Variants in SLC8A1 observed in about 807,000 individuals in gnomAD.
The protein encoded by SLC8A1 is sodium/calcium exchanger 1.
SLC8A1 carries 18 observed loss-of-function variants against 68.3 expected under a neutral mutation model. That is an observed-to-expected ratio of 0.26 (90% CI 0.18 to 0.39). The LOEUF (loss-of-function observed/expected upper bound fraction) is 0.39. Among genes scored for constraint, SLC8A1 ranks in the 10% least tolerant of loss-of-function variants. SLC8A1 has a pLI of 1.00. For synonymous variants in SLC8A1, 475 were observed against 415.5 expected, an observed-to-expected ratio of 1.14 and a Z score of -1.74; for missense variants, 985 against 1,156.7, an observed-to-expected ratio of 0.85 and a Z score of 2.15.
At chr2:40,214,518 C>T (rs527992262) in intron 2 of SLC8A1, among the ~76,000 whole-genome samples, 9 of 151,812 alleles carry the variant, frequency 5.9e-5, no homozygotes, top group African/African-American at 1.9e-4. Context: ...TCTTGGCTCA[C>T]TGCAACCTCC....
chr2:40,121,160 C>G (rs75172308), intron 7 of SLC8A1, among the ~76,000 whole-genome samples: 1,971 of 152,298 alleles, frequency 0.013, 47 homozygotes, highest in African/African-American at 0.045. Context: ...ACTGTATTCT[C>G]TCTCTTGGGC....
intron 2 of SLC8A1, among the ~76,000 whole-genome samples, chr2:40,300,823 T>C (rs1013539614): frequency 1.3e-5 from 2 of 152,172 alleles, no homozygotes; most frequent in African/African-American, 4.8e-5. Flanking sequence ...TTTGGCAGAA[T>C]GATCTTAAAA....
intron 6 of SLC8A1, 148 bp downstream of exon 9, chr2:40,160,617 G>A: frequency 1.5e-6 from 1 of 677,672 alleles, no homozygotes; most frequent in East Asian, 2.7e-5. Context: ...TCTTTAAAAT[G>A]TGCATACATT....
rs572290891 is a variant in SLC8A1 at position 40,305,286 on chromosome 2, C to T, written c.1808+123187G>A. On this transcript the variant is annotated intron_variant, in intron 2 of 7. Coordinates refer to ENST00000406785, the Ensembl canonical transcript of SLC8A1. ...AGGGTTCATAGCCTGGAGCAGTTTT[C>T]GAGTTCAGCACTGGATGTTGAGGGC... 9.9e-5 allele frequency among the ~76,000 whole-genome samples: 15 copies of T among 152,238 alleles called. No individual in the cohort carries two copies. The East Asian group carries it at 1.9e-3, about 20-fold the overall frequency.
chr2:40,171,663 T>C lies in SLC8A1; in HGVS notation c.1930+3162A>G, dbSNP rs1006213480. Among the ~76,000 whole-genome samples, 3 of 152,242 alleles carry C rather than the reference T, an allele frequency of 2.0e-5. 1 individual carries two copies. The highest frequency in any genetic ancestry group is 1.5e-5 in the Non-Finnish European group (1 of 68,034). ...AGTGCTGGGATTAGAACAGTCATCA[T>C]TAATTTCTTCAAACCTTCATTTCCT... On this transcript the variant is annotated intron_variant, in intron 4 of 7. Transcript: ENST00000406785.
chr2:40,504,720 CCA>C (rs1706259955), intron 1 of SLC8A1, among the ~76,000 whole-genome samples: 1 of 151,880 alleles, frequency 6.6e-6, no homozygotes, highest in African/African-American at 2.4e-5. Context: ...GTGCTCAACA[CCA>C]CTGATCATCA....
intron 2 of SLC8A1, among the ~76,000 whole-genome samples, chr2:40,400,513 T>C (rs966351465): frequency 6.6e-6 from 1 of 152,212 alleles, no homozygotes. Flanking sequence ...TCTTCTTTTC[T>C]AATCTTTTGT....
chr2:40,181,070 C>T (rs2049447188), intron 2 of SLC8A1, among the ~76,000 whole-genome samples: 2 of 152,172 alleles, frequency 1.3e-5, no homozygotes, highest in Non-Finnish European at 2.9e-5. Context: ...AGCGATTCCC[C>T]TGCCTCAGCC....
At chr2:40,355,173 T>C (rs1405398785) in intron 2 of SLC8A1, among the ~76,000 whole-genome samples, 2 of 152,068 alleles carry the variant, frequency 1.3e-5, no homozygotes, top group Non-Finnish European at 2.9e-5. Context: ...AAACCCCTTC[T>C]CCCCCAAAAG....
At chr2:40,229,654 C>T (rs2059403188) in intron 2 of SLC8A1, among the ~76,000 whole-genome samples, 2 of 152,264 alleles carry the variant, frequency 1.3e-5, no homozygotes, top group Admixed American at 1.3e-4. Flanking sequence ...CTCCACGTTC[C>T]ATCCTTTCCT....
rs115905533 is a variant in SLC8A1 at position 40,149,451 on chromosome 2, C to T, written c.2162-9775G>A. Among the ~76,000 whole-genome samples the T allele has an allele frequency of 9.7e-3, 1,471 of 152,150 alleles. 25 individuals are homozygous for T. Among genetic ancestry groups the T allele is most frequent in the African/African-American group, 0.033 (1,357 of 41,504 alleles). On this transcript the variant is annotated intron_variant, in intron 6 of 7. Coordinates refer to ENST00000406785, the Ensembl canonical transcript of SLC8A1. ...TCTGGTGACTGGGAGGCCGAGAAAC[C>T]CCTCTGAGCAGTTGACATGTGAGCT...
At chr2:40,203,886 A>T (rs1213532253) in intron 2 of SLC8A1, among the ~76,000 whole-genome samples, 3 of 151,434 alleles carry the variant, frequency 2.0e-5, no homozygotes, top group South Asian at 2.1e-4. Flanking sequence ...TTAATTAAAA[A>T]TTTTTTTTTT....
chr2:40,164,753 T>G, intron 5 of SLC8A1, 101 bp downstream of exon 8: 1 of 1,454,214 alleles, frequency 6.9e-7, no homozygotes, highest in Non-Finnish European at 9.4e-7. Flanking sequence ...AAATTACATC[T>G]ACTACTCTTT....
At chr2:40,310,446 A>G (rs2073462395) in intron 2 of SLC8A1, among the ~76,000 whole-genome samples, 1 of 152,324 alleles carries the variant, frequency 6.6e-6, no homozygotes, top group Non-Finnish European at 1.5e-5. Context: ...CTGGGTCAGG[A>G]CAGAATCAAT....
At chr2:40,236,969 C>A (rs904650597) in intron 2 of SLC8A1, among the ~76,000 whole-genome samples, 1 of 152,072 alleles carries the variant, frequency 6.6e-6, no homozygotes, top group Non-Finnish European at 1.5e-5. Context: ...CCGAGAGATC[C>A]GCTGTTAGTC....
At chr2:40,287,582 A>ATGTGGGTGTGGGTGTGTGTGTGTGTGTG (rs2068524429) in intron 2 of SLC8A1, among the ~76,000 whole-genome samples, 1 of 127,480 alleles carries the variant, frequency 7.8e-6, no homozygotes, top group African/African-American at 3.0e-5. Flanking sequence ...CAGAGGAATG[A>ATGTGGGTGTGGGTGTGTGTGTGTGTGTG]TGTGTGTGTG....
chr2:40,322,416 G>C (rs538632288), intron 2 of SLC8A1, among the ~76,000 whole-genome samples: 2 of 150,918 alleles, frequency 1.3e-5, no homozygotes, highest in South Asian at 2.1e-4. Context: ...CCAGTGCTTT[G>C]GGAGGCCATG....
At chr2:40,505,369 T>C (rs1275582097) in intron 1 of SLC8A1, among the ~76,000 whole-genome samples, 1 of 151,912 alleles carries the variant, frequency 6.6e-6, no homozygotes, top group African/African-American at 2.4e-5. Context: ...ACTCAAAGGA[T>C]AGATGCTTGA....
intron 2 of SLC8A1, among the ~76,000 whole-genome samples, chr2:40,197,896 T>C (rs1354837693): frequency 5.2e-5 from 2 of 38,202 alleles, no homozygotes; most frequent in East Asian, 3.7e-4. Flanking sequence ...CAGGGAAGAA[T>C]GACTGTCCAG....
Sources: allele counts gnomAD v4.1 joint callset (sites outside exome capture counted in the v4.1 genomes callset), GRCh38; gene constraint gnomAD v4.1.1; transcripts MANE v1.5; gene names NCBI Gene and HGNC (gene_info 2026-07-23, HGNC 2026-07-21).